Variants in NLGN1 observed in about 807,000 individuals in gnomAD.
NLGN1 encodes the protein neuroligin-1.
NLGN1 carries 12 observed loss-of-function variants against 65.5 expected under a neutral mutation model. That is an observed-to-expected ratio of 0.18 (90% confidence interval 0.12 to 0.30). The LOEUF (loss-of-function observed/expected upper bound fraction) is 0.30, where lower values mean the gene tolerates loss of function less well. Ranked by LOEUF, NLGN1 falls within the 10% of genes least tolerant of loss-of-function variation. NLGN1 has a pLI of 1.00. For synonymous variants in NLGN1, 350 were observed against 359.5 expected (o/e 0.97, Z 0.30); for missense variants, 750 against 1,007.1 (o/e 0.74, Z 3.46).
chr3:174,216,595 C>T (rs13065058), intron 4 of NLGN1, among the ~76,000 whole-genome samples: 94,026 of 151,888 alleles, frequency 0.62, 30,796 homozygotes, highest in East Asian at 0.8. Context: ...AAATGCAGGA[C>T]AAGAGCAAGT....
At chr3:173,713,548 A>G (rs890584955) in intron 3 of NLGN1, among the ~76,000 whole-genome samples, 4 of 152,074 alleles carry the variant, frequency 2.6e-5, no homozygotes, top group African/African-American at 9.7e-5. Context: ...ATATATATGT[A>G]AATTATTTTC....
chr3:173,947,300 G>C (rs1011555607), intron 4 of NLGN1, among the ~76,000 whole-genome samples: 7 of 152,038 alleles, frequency 4.6e-5, no homozygotes, highest in African/African-American at 1.7e-4. Flanking sequence ...GGGATTACAG[G>C]TGTTAGCCAC....
intron 4 of NLGN1, among the ~76,000 whole-genome samples, chr3:174,259,747 A>G (rs1449168934): frequency 1.3e-5 from 2 of 151,382 alleles, no homozygotes; most frequent in Non-Finnish European, 2.9e-5. Flanking sequence ...GGTTAGTTAC[A>G]TATGTATACA....
At chr3:173,438,780 A>G (rs1163115950) in intron 2 of NLGN1, among the ~76,000 whole-genome samples, 1 of 152,180 alleles carries the variant, frequency 6.6e-6, no homozygotes, top group African/African-American at 2.4e-5. Flanking sequence ...AGTTGCCTTC[A>G]GGGAGTTAAT....
intron 4 of NLGN1, among the ~76,000 whole-genome samples, chr3:174,239,887 A>G (rs1290099043): frequency 2.6e-5 from 4 of 152,138 alleles, no homozygotes; most frequent in Non-Finnish European, 5.9e-5. Flanking sequence ...GTAAAATAAT[A>G]TTTTTCCTTT....
At chr3:173,770,055 C>T (rs1779358893) in intron 3 of NLGN1, among the ~76,000 whole-genome samples, 1 of 152,198 alleles carries the variant, frequency 6.6e-6, no homozygotes, top group African/African-American at 2.4e-5. Flanking sequence ...AAACGGTCCT[C>T]TTCCTAGAGC....
chr3:173,825,148 T>C (rs1721090429), intron 4 of NLGN1, among the ~76,000 whole-genome samples: 1 of 152,084 alleles, frequency 6.6e-6, no homozygotes, highest in South Asian at 2.1e-4. Context: ...TATTTCTTAT[T>C]TTCATTCACT....
intron 4 of NLGN1, among the ~76,000 whole-genome samples, chr3:174,145,849 C>T (rs1173929819): frequency 6.6e-6 from 1 of 152,170 alleles, no homozygotes; most frequent in Non-Finnish European, 1.5e-5. Flanking sequence ...ATCAACAAAA[C>T]TTAATTAAAT....
intron 1 of NLGN1, among the ~76,000 whole-genome samples, chr3:173,409,428 A>G (rs1712038959): frequency 6.6e-6 from 1 of 152,188 alleles, no homozygotes; most frequent in Admixed American, 6.5e-5. Flanking sequence ...ATGTGGAAAA[A>G]CACTAGAAAA....
chr3:173,593,991 C>T lies in NLGN1; in HGVS notation c.-320-10288C>T, dbSNP rs1168365365. Among the ~76,000 whole-genome samples, 11 of 152,218 alleles carry T rather than the reference C, an allele frequency of 7.2e-5. No homozygotes were observed. In the East Asian group the frequency reaches 1.9e-3, roughly 27 times the overall value. On this transcript the variant is annotated intron_variant, in intron 2 of 6. Coordinates refer to ENST00000457714, the Ensembl canonical transcript of NLGN1. The stretch of plus-strand genomic sequence containing the variant: ...TGATTCAAATTATCTCCCACTGGGT[C>T]CCCCCGACAACACGTGGGAATTATG...
chr3:173,450,470 C>A (rs1221693545), intron 2 of NLGN1, among the ~76,000 whole-genome samples: 1 of 152,158 alleles, frequency 6.6e-6, no homozygotes, highest in East Asian at 1.9e-4. Context: ...GGTAACCCGA[C>A]CTTTCTCTCG....
intron 4 of NLGN1, among the ~76,000 whole-genome samples, chr3:174,246,776 C>CATGA (rs1457031233): frequency 3.3e-5 from 5 of 151,798 alleles, no homozygotes; most frequent in African/African-American, 1.2e-4. Context: ...GAAATACACT[C>CATGA]ATGAATGAAT....
At chr3:173,539,446 T>C (rs1560404701) in intron 2 of NLGN1, among the ~76,000 whole-genome samples, 1 of 146,056 alleles carries the variant, frequency 6.8e-6, no homozygotes, top group Non-Finnish European at 1.5e-5. Flanking sequence ...TATGTACATG[T>C]ATATACATAC....
chr3:173,902,032 C>G (rs1423386960), intron 4 of NLGN1, among the ~76,000 whole-genome samples: 3 of 151,942 alleles, frequency 2.0e-5, no homozygotes, highest in African/African-American at 7.3e-5. Flanking sequence ...TGCTTGGCAT[C>G]CAAAATTTGG....
At chr3:173,766,112 A>G (rs1234434792) in intron 3 of NLGN1, among the ~76,000 whole-genome samples, 1 of 148,128 alleles carries the variant, frequency 6.8e-6, no homozygotes, top group African/African-American at 2.5e-5. Context: ...TTTCTGAGAC[A>G]GAGTCTTGCT....
At chr3:173,482,106 T>G (rs1305375040) in intron 2 of NLGN1, among the ~76,000 whole-genome samples, 2 of 152,004 alleles carry the variant, frequency 1.3e-5, no homozygotes, top group Non-Finnish European at 2.9e-5. Flanking sequence ...GTGGTAATAT[T>G]TGATGATGTT....
At chr3:173,631,134 T>A (rs1192145464) in intron 3 of NLGN1, among the ~76,000 whole-genome samples, 1 of 152,128 alleles carries the variant, frequency 6.6e-6, no homozygotes, top group Non-Finnish European at 1.5e-5. Context: ...TGAAAGTGGT[T>A]ATTTTAAATT....
intron 4 of NLGN1, among the ~76,000 whole-genome samples, chr3:173,989,334 C>T (rs1720601428): frequency 6.6e-6 from 1 of 152,180 alleles, no homozygotes; most frequent in Non-Finnish European, 1.5e-5. Flanking sequence ...CTCTTGTCCA[C>T]TATAAAGATA....
At chr3:174,252,479 A>ATCT (rs1744965158) in intron 4 of NLGN1, among the ~76,000 whole-genome samples, 3 of 152,176 alleles carry the variant, frequency 2.0e-5, no homozygotes, top group African/African-American at 7.2e-5. Context: ...GAGTTGTTTG[A>ATCT]GTAAAGAAAT....
Sources: gnomAD v4.1 joint callset for allele counts (sites outside exome capture counted in the v4.1 genomes callset) on GRCh38, gnomAD v4.1.1 for gene constraint, MANE v1.5 for transcripts, NCBI Gene and HGNC (gene_info 2026-07-23, HGNC 2026-07-21) for gene names.